The following CTNNA3 variants were observed in gnomAD, a reference collection of about 807,000 sequenced individuals.
CTNNA3 encodes catenin alpha-3.
A neutral mutation model predicts 95.7 loss-of-function variants in CTNNA3; 76 were observed. The observed-to-expected ratio is 0.79, with a 90% CI of 0.66 to 0.96. The LOEUF is 0.96. Among genes scored for constraint, CTNNA3 ranks in the 40% least tolerant of loss-of-function variants. The pLI, the probability that CTNNA3 is intolerant of heterozygous loss-of-function variation, is 0.00. For synonymous variants in CTNNA3, 431 were observed against 374.4 expected, an observed-to-expected ratio of 1.15 and a Z score of -1.74; for missense variants, 1,191 against 1,089.8, an observed-to-expected ratio of 1.09 and a Z score of -1.31.
intron 13 of CTNNA3, among the ~76,000 whole-genome samples, chr10:66,117,706 A>C (rs1214357904): frequency 1.3e-5 from 2 of 152,254 alleles, no homozygotes; most frequent in East Asian, 3.8e-4. Flanking sequence ...TTCTCCTATC[A>C]CTTTATAGTG....
At chr10:67,450,963 C>A (rs1232174242) in intron 5 of CTNNA3, among the ~76,000 whole-genome samples, 1 of 151,740 alleles carries the variant, frequency 6.6e-6, no homozygotes, top group Non-Finnish European at 1.5e-5. Context: ...GAAAGTGTCC[C>A]CAAAGTTCAT....
rs201005992 is a variant in CTNNA3, at chr10:66,303,844, C to T, written c.1733-23223G>A. Among the ~76,000 whole-genome samples the T allele has an allele frequency of 5.7e-4, 86 of 152,192 alleles. 2 individuals are homozygous for T. In the East Asian group the frequency reaches 0.01, roughly 18 times the overall value. On this transcript the variant is annotated intron_variant, in intron 12 of 17. Coordinates refer to ENST00000433211, the MANE Select transcript of CTNNA3 (RefSeq NM_013266.4). ...TCCTGACCTCGTGATCCGCCCACCT[C>T]GGCCTCCCAAAGTGCTGGGATATAT... is the stretch of plus-strand genomic sequence containing the variant.
intron 5 of CTNNA3, among the ~76,000 whole-genome samples, chr10:67,280,704 A>T (rs1025858559): frequency 1.3e-5 from 2 of 151,998 alleles, no homozygotes; most frequent in Non-Finnish European, 2.9e-5. Context: ...AGGCAAGAAG[A>T]CCCTGTGCAG....
intron 7 of CTNNA3, among the ~76,000 whole-genome samples, chr10:66,834,214 T>A (rs1842819009): frequency 6.6e-6 from 1 of 152,216 alleles, no homozygotes; most frequent in Non-Finnish European, 1.5e-5. Flanking sequence ...ATTGTCAGGT[T>A]AGCTATTAAG....
At chr10:67,148,219 CA>C in intron 7 of CTNNA3, among the ~76,000 whole-genome samples, 1 of 152,280 alleles carries the variant, frequency 6.6e-6, no homozygotes, top group Non-Finnish European at 1.5e-5. Context: ...GTTCCCAGAA[CA>C]AATAAACTGC....
chr10:66,616,214 C>G (rs776938870), intron 10 of CTNNA3, among the ~76,000 whole-genome samples: 1 of 151,994 alleles, frequency 6.6e-6, no homozygotes, highest in Non-Finnish European at 1.5e-5. Flanking sequence ...TGTTTGTGCC[C>G]CCCACAAAAT....
chr10:66,434,793 G>A (rs1003515168), intron 11 of CTNNA3, among the ~76,000 whole-genome samples: 3 of 152,102 alleles, frequency 2.0e-5, no homozygotes, highest in Admixed American at 6.5e-5. Flanking sequence ...GTCATATATA[G>A]CTCTTATTAT....
At chr10:65,934,918 T>C (rs1031665102) in intron 17 of CTNNA3, among the ~76,000 whole-genome samples, 4 of 152,066 alleles carry the variant, frequency 2.6e-5, no homozygotes, top group Admixed American at 6.6e-5. Flanking sequence ...TGGGGCTTAG[T>C]AGTGCAGAAC....
rs2077513180 is a variant in CTNNA3, at chr10:65,946,128, T to C, written c.2400+20484A>G. ...GTTAGACCTCTTTAAGTTGCAATTTTCATATCTATAAGATTGTAATAATAA... is the reference window on the plus strand; with the variant it reads ...GTTAGACCTCTTTAAGTTGCAATTTCCATATCTATAAGATTGTAATAATAA... On this transcript the variant is annotated intron_variant, in intron 17 of 17. Transcript: ENST00000433211. 5.3e-5 allele frequency among the ~76,000 whole-genome samples: 8 copies of C among 152,192 alleles called. No homozygotes were observed. The South Asian group carries it at 1.4e-3, about 28-fold the overall frequency.
intron 3 of CTNNA3, among the ~76,000 whole-genome samples, chr10:67,591,721 T>A (rs1470909141): frequency 1.3e-5 from 2 of 151,876 alleles, no homozygotes; most frequent in Non-Finnish European, 2.9e-5. Context: ...AAATGCATAA[T>A]CATAATTTGA....
At chr10:66,111,620 A>C (rs946399854) in intron 13 of CTNNA3, among the ~76,000 whole-genome samples, 1 of 152,216 alleles carries the variant, frequency 6.6e-6, no homozygotes, top group Non-Finnish European at 1.5e-5. Flanking sequence ...AAAGGGTAAG[A>C]ATATTAGATG....
chr10:67,682,981 A>T (rs1010349877), intron 1 of CTNNA3, among the ~76,000 whole-genome samples: 5 of 152,236 alleles, frequency 3.3e-5, no homozygotes, highest in Admixed American at 2.6e-4. Flanking sequence ...CGGGAAGAAG[A>T]TACAAGATCA....
chr10:67,741,050 A>T (rs576298957), intron 1 of CTNNA3, among the ~76,000 whole-genome samples: 2,028 of 151,336 alleles, frequency 0.013, 73 homozygotes, highest in African/African-American at 0.046. Context: ...TCAGTAAACT[A>T]TCGCAAGAAC....
chr10:67,471,362 A>G lies in CTNNA3; in HGVS notation c.579+50480T>C, dbSNP rs936282987. 2.0e-5 allele frequency among the ~76,000 whole-genome samples: 3 copies of G among 152,242 alleles called. 1 individual carries two copies. Among genetic ancestry groups the G allele is most frequent in the Non-Finnish European group, 2.9e-5 (2 of 68,046 alleles). On this transcript the variant is annotated intron_variant, in intron 5 of 17. Transcript: ENST00000433211. ...AAAAAGCTTCCATTTCTCTTGGAATATCAGAACGTAAGGATGTACTAAGCT... is the reference window on the plus strand; with the variant it reads ...AAAAAGCTTCCATTTCTCTTGGAATGTCAGAACGTAAGGATGTACTAAGCT...
chr10:67,554,784 T>A (rs1841172455), intron 3 of CTNNA3, among the ~76,000 whole-genome samples: 1 of 152,198 alleles, frequency 6.6e-6, no homozygotes, highest in Non-Finnish European at 1.5e-5. Context: ...CAATTTTGGC[T>A]TTTGTTGCCA....
At chr10:67,042,464 G>A (rs1854456871) in intron 7 of CTNNA3, among the ~76,000 whole-genome samples, 1 of 152,146 alleles carries the variant, frequency 6.6e-6, no homozygotes, top group South Asian at 2.1e-4. Context: ...TAAGCATGTA[G>A]ATTTTTAGAT....
chr10:66,265,014 A>G (rs1223280856), intron 13 of CTNNA3, among the ~76,000 whole-genome samples: 1 of 152,084 alleles, frequency 6.6e-6, no homozygotes, highest in African/African-American at 2.4e-5. Flanking sequence ...TAAGCTCATT[A>G]AGATTTACTA....
chr10:67,751,369 G>A, intron 1 of CTNNA3: 2 of 607,144 alleles, frequency 3.3e-6, no homozygotes, highest in South Asian at 3.4e-5. Context: ...GAATCAAGGT[G>A]CTGTTTTAGA....
At chr10:66,371,236 A>G (rs1401510917) in intron 12 of CTNNA3, among the ~76,000 whole-genome samples, 1 of 152,176 alleles carries the variant, frequency 6.6e-6, no homozygotes, top group East Asian at 1.9e-4. Context: ...AAACCTCAGT[A>G]TATCACTGAA....
Sources: allele counts gnomAD v4.1 joint callset (sites outside exome capture counted in the v4.1 genomes callset), GRCh38; gene constraint gnomAD v4.1.1; transcripts MANE v1.5; gene names NCBI Gene and HGNC (gene_info 2026-07-23, HGNC 2026-07-21).